The following DENND1A variants were observed in gnomAD, a reference collection of about 807,000 sequenced individuals.
DENND1A encodes DENN domain containing 1A.
In DENND1A, 51 loss-of-function variants were observed where a neutral mutation model predicts 113.7. That is an observed-to-expected ratio of 0.45 (90% CI 0.36 to 0.57). DENND1A has a LOEUF of 0.57. Among genes scored for constraint, DENND1A ranks in the 20% least tolerant of loss-of-function variants. The pLI is 0.00. For missense variants in DENND1A, 1,258 were observed against 1,395.9 expected (o/e 0.90, Z 1.57); for synonymous variants, 565 against 570.8 (o/e 0.99, Z 0.14).
In DENND1A at chr9:123,879,117, A is replaced by G. The variant is rs1184246317; in HGVS notation, c.18-96T>C. 16 of 1,224,098 alleles carry G rather than the reference A, an allele frequency of 1.3e-5. No homozygotes were observed. In the East Asian group the frequency reaches 3.9e-4, roughly 30 times the overall value. The allele number at this position is 1,224,098 out of a possible 1,614,324, so 75.8% of individuals were successfully genotyped here. On this transcript the variant is annotated intron_variant, in intron 1 of 23. Transcript: ENST00000394215. ...TATTAAACAGATCTTCCTTGAAATCATTAGCTCACAACTTAATGGCCGTGG... is the reference window on the plus strand; with the variant it reads ...TATTAAACAGATCTTCCTTGAAATCGTTAGCTCACAACTTAATGGCCGTGG...
chr9:123,514,484 C>G (rs1184944239), intron 13 of DENND1A, among the ~76,000 whole-genome samples: 14 of 151,936 alleles, frequency 9.2e-5, no homozygotes, highest in Admixed American at 8.5e-4. Context: ...CAGAGGAGGC[C>G]TAACCTCGGA....
At chr9:123,531,423 G>T (rs1307062000) in intron 13 of DENND1A, among the ~76,000 whole-genome samples, 1 of 151,316 alleles carries the variant, frequency 6.6e-6, no homozygotes, top group Non-Finnish European at 1.5e-5. Context: ...TTTTTATTAT[G>T]ACATAGTTTC....
At chr9:123,505,980 T>C (rs959932329) in intron 13 of DENND1A, among the ~76,000 whole-genome samples, 4 of 151,852 alleles carry the variant, frequency 2.6e-5, no homozygotes, top group African/African-American at 9.7e-5. Flanking sequence ...CGTGAGTGAG[T>C]GTGCCCCCTT....
chr9:123,795,105 C>CA (rs958529300), intron 2 of DENND1A, among the ~76,000 whole-genome samples: 17 of 152,186 alleles, frequency 1.1e-4, no homozygotes, highest in Admixed American at 2.0e-4. Context: ...CTAACATTTA[C>CA]AAAAAACAAA....
In DENND1A at chr9:123,381,477, TGGGGCC is replaced by T; in HGVS notation, c.3162_3167del (p.Ala1055_Pro1056del). 1 of 1,613,462 alleles carries T rather than the reference TGGGGCC, an allele frequency of 6.2e-7. No homozygotes were observed. Among genetic ancestry groups the T allele is most frequent in the East Asian group, 2.2e-5 (1 of 44,854 alleles). ...GCTTCCTGAGCTGCTCCACCGAGTC[TGGGGCC>T]GGGGCCAGGGCCGGACTCGGGCTCA... On this transcript the variant is annotated inframe_deletion, in exon 24 of 24. Coordinates refer to ENST00000394215, the MANE Select transcript of DENND1A (RefSeq NM_001352964.2). This position sits in a 1 kb window ranked among gnomAD's most constrained non-coding sequence, Gnocchi z 4.7.
intron 10 of DENND1A, among the ~76,000 whole-genome samples, chr9:123,625,652 G>A (rs1015765796): frequency 1.3e-5 from 2 of 152,202 alleles, no homozygotes; most frequent in South Asian, 2.1e-4. Flanking sequence ...GCAGAGGCAG[G>A]AGAATCGCTT....
intron 5 of DENND1A, among the ~76,000 whole-genome samples, chr9:123,743,169 T>G (rs7870993): frequency 6.8e-6 from 1 of 148,036 alleles, no homozygotes; most frequent in Non-Finnish European, 1.5e-5. Context: ...CTTTGGGAGG[T>G]TGAGACAGGC....
At chr9:123,507,349 GA>G (rs919391287) in intron 13 of DENND1A, among the ~76,000 whole-genome samples, 1 of 152,196 alleles carries the variant, frequency 6.6e-6, no homozygotes, top group African/African-American at 2.4e-5. Context: ...TATACAAAAG[GA>G]TGACCTAAGT....
chr9:123,397,268 C>T (rs1005718819), intron 21 of DENND1A, among the ~76,000 whole-genome samples: 1 of 152,148 alleles, frequency 6.6e-6, no homozygotes, highest in African/African-American at 2.4e-5. Context: ...GATTCTCCTG[C>T]CTCAGGCTTC....
At chr9:123,810,286 C>T (rs1379830489) in intron 2 of DENND1A, among the ~76,000 whole-genome samples, 1 of 152,154 alleles carries the variant, frequency 6.6e-6, no homozygotes, top group Non-Finnish European at 1.5e-5. Context: ...GGTGGAACTC[C>T]TCAGGCTGTC....
intron 21 of DENND1A, among the ~76,000 whole-genome samples, chr9:123,388,504 T>C (rs2042679793): frequency 6.6e-6 from 1 of 152,232 alleles, no homozygotes; most frequent in Admixed American, 6.5e-5. Context: ...AAGAAAAAAG[T>C]GAGCCGTGCG....
chr9:123,558,285 C>T (rs895637333), intron 12 of DENND1A, among the ~76,000 whole-genome samples: 3 of 152,204 alleles, frequency 2.0e-5, no homozygotes, highest in African/African-American at 7.2e-5. Context: ...TGGGCCCAAA[C>T]TCAGACTTTC....
chr9:123,783,877 A>G (rs1405619191), intron 3 of DENND1A, among the ~76,000 whole-genome samples: 9 of 152,216 alleles, frequency 5.9e-5, no homozygotes, highest in Admixed American at 3.9e-4. Flanking sequence ...GCGTTCACAG[A>G]TTGATGAAGA....
chr9:123,788,012 T>C (rs1012295539), intron 3 of DENND1A, among the ~76,000 whole-genome samples: 1 of 152,138 alleles, frequency 6.6e-6, no homozygotes. Context: ...TAACTGTGCC[T>C]GGACCACTCT....
rs937393091 is a variant in DENND1A, at chr9:123,582,603, G to T, written c.867+566C>A. On this transcript the variant is annotated intron_variant, in intron 12 of 23. Coordinates refer to ENST00000394215, the MANE Select transcript of DENND1A (RefSeq NM_001352964.2). ...TTTAGTAGAGACTGTGTTTCACCATGTTAGCCAGGATGGTCTCACTTTCCT... is the reference window on the plus strand; with the variant it reads ...TTTAGTAGAGACTGTGTTTCACCATTTTAGCCAGGATGGTCTCACTTTCCT... Among the ~76,000 whole-genome samples, 4 of 152,098 alleles carry T rather than the reference G, an allele frequency of 2.6e-5. No individual in the cohort carries two copies. The South Asian group carries it at 8.3e-4, about 32-fold the overall frequency.
rs558769647 is a variant in DENND1A at position 123,803,563 on chromosome 9, G to A, written c.89-10933C>T. Among the ~76,000 whole-genome samples, 18 of 152,154 alleles carry A rather than the reference G, an allele frequency of 1.2e-4. 1 individual carries two copies. The South Asian group carries it at 1.7e-3, about 14-fold the overall frequency. On this transcript the variant is annotated intron_variant, in intron 2 of 23. Transcript: ENST00000394215. Reference sequence around the variant, plus strand: ...CCTCTGCCCCACAGACTCTGCCTTCGTCTTATTACGTGACCCTTGCAAAGG... The same window carrying A: ...CCTCTGCCCCACAGACTCTGCCTTCATCTTATTACGTGACCCTTGCAAAGG...
intron 12 of DENND1A, among the ~76,000 whole-genome samples, chr9:123,561,219 G>A (rs896398505): frequency 2.0e-5 from 3 of 152,146 alleles, no homozygotes; most frequent in Non-Finnish European, 4.4e-5. Flanking sequence ...TAATTACCTT[G>A]GATTCACAAC....
intron 13 of DENND1A, among the ~76,000 whole-genome samples, chr9:123,472,361 G>A (rs1049762193): frequency 3.9e-5 from 6 of 152,292 alleles, no homozygotes; most frequent in South Asian, 2.1e-4. Flanking sequence ...GCCAGCCGGC[G>A]GTTCACAGCG....
chr9:123,496,566 G>A (rs958940175), intron 13 of DENND1A, among the ~76,000 whole-genome samples: 1 of 152,194 alleles, frequency 6.6e-6, no homozygotes, highest in Non-Finnish European at 1.5e-5. Context: ...AACACACTTT[G>A]TTAATTACCA....
Sources: gnomAD v4.1 joint callset for allele counts (sites outside exome capture counted in the v4.1 genomes callset) on GRCh38, gnomAD v4.1.1 for gene constraint, Gnocchi (gnomAD v3.1) non-coding constraint, MANE v1.5 for transcripts, NCBI Gene and HGNC (gene_info 2026-07-23, HGNC 2026-07-21) for gene names.